RIMBP2: variants seen among roughly 807,000 people sequenced by gnomAD.
The protein encoded by RIMBP2 is RIMS-binding protein 2.
In RIMBP2, 48 loss-of-function variants were observed where a neutral mutation model predicts 118.6. The ratio of observed to expected loss-of-function variants is 0.40; its 90% CI spans 0.32 to 0.51. The LOEUF (loss-of-function observed/expected upper bound fraction) is 0.51, where lower values mean the gene tolerates loss of function less well. Among genes scored for constraint, RIMBP2 ranks in the 20% least tolerant of loss-of-function variants. The pLI, the probability that RIMBP2 is intolerant of heterozygous loss-of-function variation, is 0.41. For synonymous variants in RIMBP2, 762 were observed against 742.9 expected (o/e 1.03, Z -0.42); for missense variants, 1,551 against 1,768.3 (o/e 0.88, Z 2.20).
In RIMBP2 at chr12:130,453,002, C is replaced by T. The variant is rs1351424194; in HGVS notation, c.359-1662G>A. Among the ~76,000 whole-genome samples, 4 of 152,156 alleles carry T rather than the reference C, an allele frequency of 2.6e-5. No individual in the cohort carries two copies. The East Asian group carries it at 7.7e-4, about 29-fold the overall frequency. On this transcript the variant is annotated intron_variant, in intron 7 of 22. Transcript: ENST00000690449. Reference sequence around the variant, plus strand: ...AGTGCCTTCAAATGGGGCTGGTTCCCACGGGCCCCTCGAGATGCAAACACC... The same window carrying T: ...AGTGCCTTCAAATGGGGCTGGTTCCTACGGGCCCCTCGAGATGCAAACACC...
chr12:130,682,257 C>T (rs1013089764), intron 1 of RIMBP2, among the ~76,000 whole-genome samples: 2 of 152,230 alleles, frequency 1.3e-5, no homozygotes, highest in Admixed American at 6.5e-5. Flanking sequence ...CAGAGAGCCT[C>T]GTCTGCTCTC....
intron 1 of RIMBP2, among the ~76,000 whole-genome samples, chr12:130,705,807 C>A (rs2066086330): frequency 6.6e-6 from 1 of 152,240 alleles, no homozygotes; most frequent in Non-Finnish European, 1.5e-5. Flanking sequence ...CCAGGTGTGG[C>A]TGGGACCAAC....
At chr12:130,640,976 G>T (rs2062590679) in intron 1 of RIMBP2, among the ~76,000 whole-genome samples, 2 of 152,216 alleles carry the variant, frequency 1.3e-5, no homozygotes, top group South Asian at 4.1e-4. Flanking sequence ...CAAAGAAAGG[G>T]CAGACATGGC....
At chr12:130,548,595 A>C (rs2055400504) in intron 2 of RIMBP2, among the ~76,000 whole-genome samples, 1 of 151,448 alleles carries the variant, frequency 6.6e-6, no homozygotes, top group Non-Finnish European at 1.5e-5. Flanking sequence ...TGTTTTTGAG[A>C]CAGAGTCTCA....
chr12:130,569,331 C>T (rs1158538497), intron 2 of RIMBP2, among the ~76,000 whole-genome samples: 1 of 152,214 alleles, frequency 6.6e-6, no homozygotes, highest in Admixed American at 6.5e-5. Context: ...AAGAGCAAAG[C>T]GTCCCCCTCC....
chr12:130,616,050 C>A (rs944895026), intron 2 of RIMBP2, among the ~76,000 whole-genome samples: 2 of 152,200 alleles, frequency 1.3e-5, no homozygotes, highest in Non-Finnish European at 2.9e-5. Context: ...GTCGGATGCA[C>A]ACACACCCTA....
At chr12:130,479,058 T>G in intron 4 of RIMBP2, 42 bp from the exon 5 acceptor site, 1 of 1,538,612 alleles carries the variant, frequency 6.5e-7, no homozygotes, top group Non-Finnish European at 8.9e-7. Context: ...GGGCAGCCTG[T>G]GCCCATGGGC....
At position 130,437,122 on chromosome 12, in the gene RIMBP2, T is replaced by G. The variant is rs2077578705; in HGVS notation, c.1826A>C (p.His609Pro). The G allele has an allele frequency of 7.1e-6, 11 of 1,543,412 alleles. No homozygotes were observed. The highest frequency in any genetic ancestry group is 4.4e-5 in the African/African-American group (3 of 68,302). The change falls in exon 13 of 23, where the codon CAC (histidine) becomes CCC (proline). Residue 609 changes from histidine (H) to proline (P), a missense_variant. By Grantham distance (77) the His-to-Pro change is moderately conservative. Coordinates refer to ENST00000690449, the MANE Select transcript of RIMBP2 (RefSeq NM_001393629.1). ...CTTTGATTGGGGTGCAGGTCTCGGG[T>G]GGGGGGTAGGAGGCACCAGGAGCTC... ...PPELLVPPTP[H>P]PRPAPQSKPL... is the part of the protein sequence containing the mutation.
At chr12:130,500,468 C>G (rs117586625) in intron 4 of RIMBP2, among the ~76,000 whole-genome samples, 1,594 of 152,252 alleles carry the variant, frequency 0.01, 12 homozygotes, top group South Asian at 0.024. Flanking sequence ...AAAGAAAAAA[C>G]AAACAACAAA....
intron 2 of RIMBP2, among the ~76,000 whole-genome samples, chr12:130,541,214 ATCT>A (rs1376406515): frequency 4.6e-5 from 7 of 152,150 alleles, no homozygotes; most frequent in African/African-American, 1.7e-4. Context: ...CCTGTCTCTC[ATCT>A]TCTTCCCTCA....
At chr12:130,465,777 GA>G (rs901187957) in intron 6 of RIMBP2, 1 of 152,380 alleles carries the variant, frequency 6.6e-6, no homozygotes, top group Non-Finnish European at 1.5e-5. Context: ...AGCGGGTGAA[GA>G]TGGCCCGGCC....
At chr12:130,690,389 T>C (rs1386145879) in intron 1 of RIMBP2, among the ~76,000 whole-genome samples, 1 of 152,080 alleles carries the variant, frequency 6.6e-6, no homozygotes, top group African/African-American at 2.4e-5. Flanking sequence ...CCCGAGAACC[T>C]GAGAGAATGA....
intron 2 of RIMBP2, among the ~76,000 whole-genome samples, chr12:130,543,339 C>A (rs909561310): frequency 3.3e-5 from 5 of 152,168 alleles, no homozygotes; most frequent in African/African-American, 9.7e-5. Flanking sequence ...ATGGCCACTT[C>A]TTTGGTAATC....
At chr12:130,601,353 A>AAG (rs1182054438) in intron 2 of RIMBP2, among the ~76,000 whole-genome samples, 4 of 151,530 alleles carry the variant, frequency 2.6e-5, no homozygotes, top group Non-Finnish European at 5.9e-5. Context: ...AAAAAAAAAA[A>AAG]AAAAAAAGCA....
At chr12:130,490,467 T>C (rs4759478) in intron 4 of RIMBP2, among the ~76,000 whole-genome samples, 150,368 of 152,304 alleles carry the variant, frequency 0.99, 74,255 homozygotes, top group East Asian at 1. Flanking sequence ...AAGCTTGTTC[T>C]GGTCCCAGCT....
At chr12:130,689,095 A>G (rs1322329712) in intron 1 of RIMBP2, among the ~76,000 whole-genome samples, 1 of 152,080 alleles carries the variant, frequency 6.6e-6, no homozygotes, top group East Asian at 1.9e-4. Flanking sequence ...AATCCTCGAG[A>G]CCAATTTTCT....
chr12:130,682,246 C>G (rs562964189), intron 1 of RIMBP2, among the ~76,000 whole-genome samples: 1 of 152,046 alleles, frequency 6.6e-6, no homozygotes, highest in Non-Finnish European at 1.5e-5. Context: ...CCTTTCCCAG[C>G]CAGAGAGCCT....
At chr12:130,550,212 TG>T (rs1414714790) in intron 2 of RIMBP2, among the ~76,000 whole-genome samples, 1 of 152,196 alleles carries the variant, frequency 6.6e-6, no homozygotes, top group Non-Finnish European at 1.5e-5. Context: ...GCATCAACTG[TG>T]GCTTTTGTAT....
At chr12:130,406,027 A>G in intron 21 of RIMBP2, 145 bp downstream of exon 21, 1 of 621,594 alleles carries the variant, frequency 1.6e-6, no homozygotes, top group Middle Eastern at 2.6e-4. Flanking sequence ...AAGTTCTATA[A>G]CTCAGCCAAT....
Sources: allele counts gnomAD v4.1 joint callset (sites outside exome capture counted in the v4.1 genomes callset), GRCh38; gene constraint gnomAD v4.1.1; transcripts MANE v1.5; gene names NCBI Gene and HGNC (gene_info 2026-07-23, HGNC 2026-07-21).